SLC25A28: variants seen among roughly 807,000 people sequenced by gnomAD.
SLC25A28 encodes the protein mitoferrin-2.
In SLC25A28, 10 loss-of-function variants were observed where a neutral mutation model predicts 31.9. The ratio of observed to expected loss-of-function variants is 0.31; its 90% CI spans 0.19 to 0.53. The LOEUF (loss-of-function observed/expected upper bound fraction) is 0.53, where lower values mean the gene tolerates loss of function less well. Among genes scored for constraint, SLC25A28 ranks in the 20% least tolerant of loss-of-function variants. SLC25A28 has a pLI of 0.95. For missense variants in SLC25A28, 256 were observed against 490.3 expected, an observed-to-expected ratio of 0.52 and a Z score of 4.51; for synonymous variants, 208 against 203.6, an observed-to-expected ratio of 1.02 and a Z score of -0.19.
chr10:99,620,443 G>T (rs1371519388), upstream of SLC25A28: 5 of 1,046,052 alleles, frequency 4.8e-6, no homozygotes, highest in African/African-American at 6.8e-5. Flanking sequence ...AGAGCCCGGG[G>T]CCTCCGGCTC....
chr10:99,617,153 T>C (rs1201735156), intron 1 of SLC25A28: 4 of 985,442 alleles, frequency 4.1e-6, no homozygotes, highest in Non-Finnish European at 4.8e-6. Flanking sequence ...CCAGAGGATT[T>C]TGAGAAGGGT....
the SLC25A28 span, among the ~76,000 whole-genome samples, chr10:99,649,947 C>T: frequency 6.6e-6 from 1 of 151,966 alleles, no homozygotes; most frequent in South Asian, 2.1e-4. Flanking sequence ...TAGTTATGAT[C>T]TAATCGTCAT....
chr10:99,636,770 C>A, the SLC25A28 span, among the ~76,000 whole-genome samples: 1 of 152,168 alleles, frequency 6.6e-6, no homozygotes, highest in Admixed American at 6.5e-5. Context: ...AGATCAGTTA[C>A]AAGCAGTGAG....
the SLC25A28 span, among the ~76,000 whole-genome samples, chr10:99,642,444 T>C: frequency 6.6e-6 from 1 of 152,196 alleles, no homozygotes; most frequent in African/African-American, 2.4e-5. Flanking sequence ...CTGAAGTTGC[T>C]TATCAGCTTA....
At chr10:99,623,274 C>T (rs932754721), upstream of SLC25A28, among the ~76,000 whole-genome samples, 3 of 152,134 alleles carry the variant, frequency 2.0e-5, no homozygotes, top group Admixed American at 6.5e-5. Context: ...GAATACAACA[C>T]GAAGTTGGAA....
chr10:99,624,799 C>T (rs2034853581), upstream of SLC25A28, among the ~76,000 whole-genome samples: 2 of 152,126 alleles, frequency 1.3e-5, no homozygotes, highest in East Asian at 3.9e-4. Context: ...TGGGCCACTG[C>T]ACTCCAGTCT....
the SLC25A28 span, among the ~76,000 whole-genome samples, chr10:99,631,778 A>G: frequency 6.6e-6 from 1 of 152,042 alleles, no homozygotes; most frequent in Non-Finnish European, 1.5e-5. Flanking sequence ...GCCGCATAGA[A>G]TGCCCTCTGT....
rs1159402975 is a variant in SLC25A28, at chr10:99,620,111, G to A, written c.225C>T (p.His75=). The change falls in exon 1 of 4, where the codon CAC becomes CAT. Residue 75 remains histidine, a synonymous_variant. Coordinates refer to ENST00000370495, the MANE Select transcript of SLC25A28 (RefSeq NM_031212.4). ...TCCCTGCCACGGCGCCTGCCACCATGTGCGTGGTGACAGTGGCTCCAGCCG... is the reference window on the plus strand; with the variant it reads ...TCCCTGCCACGGCGCCTGCCACCATATGCGTGGTGACAGTGGCTCCAGCCG... ...ALPAGATVTT[H]MVAGAVAGIL... is the part of the protein sequence containing the mutation. 2 of 1,585,070 alleles carry A rather than the reference G, an allele frequency of 1.3e-6. No homozygotes were observed. Among genetic ancestry groups the A allele is most frequent in the Non-Finnish European group, 1.7e-6 (2 of 1,173,276 alleles).
At chr10:99,644,059 A>G in the SLC25A28 span, among the ~76,000 whole-genome samples, 1 of 152,146 alleles carries the variant, frequency 6.6e-6, no homozygotes, top group East Asian at 1.9e-4. Context: ...TGGAGTGGAG[A>G]GCTCTGTAGA....
the SLC25A28 span, among the ~76,000 whole-genome samples, chr10:99,635,125 T>C: frequency 6.6e-6 from 1 of 152,134 alleles, no homozygotes; most frequent in South Asian, 2.1e-4. Context: ...GAAGTCACCA[T>C]TACAAGAACT....
the SLC25A28 span, among the ~76,000 whole-genome samples, chr10:99,642,252 G>A: frequency 8.5e-5 from 13 of 152,212 alleles, no homozygotes; most frequent in African/African-American, 3.1e-4. Flanking sequence ...TTGAGCAGTG[G>A]TTTGTAGTTC....
the SLC25A28 span, among the ~76,000 whole-genome samples, chr10:99,648,634 T>C: frequency 6.6e-6 from 1 of 152,204 alleles, no homozygotes; most frequent in South Asian, 2.1e-4. Flanking sequence ...ATCAATGTTT[T>C]GTAGTTCTCC....
At chr10:99,657,472 C>T in the SLC25A28 span, among the ~76,000 whole-genome samples, 1 of 151,746 alleles carries the variant, frequency 6.6e-6, no homozygotes, top group South Asian at 2.1e-4. Flanking sequence ...AAATATAACA[C>T]TTGAAGCAGA....
chr10:99,646,226 C>A, the SLC25A28 span, among the ~76,000 whole-genome samples: 1 of 152,218 alleles, frequency 6.6e-6, no homozygotes, highest in African/African-American at 2.4e-5. Context: ...AGCTTCCCAG[C>A]CACTTTGTTT....
At chr10:99,642,205 A>G in the SLC25A28 span, among the ~76,000 whole-genome samples, 2 of 152,120 alleles carry the variant, frequency 1.3e-5, no homozygotes, top group Non-Finnish European at 2.9e-5. Flanking sequence ...ATGAGCATGG[A>G]ATGTTCTTCC....
intron 2 of SLC25A28, 145 bp from the exon 3 acceptor site, chr10:99,612,744 G>T: frequency 1.2e-6 from 1 of 839,072 alleles, no homozygotes; most frequent in Non-Finnish European, 2.0e-6. Flanking sequence ...GGGACCCACT[G>T]CTCCTAAACT....
In SLC25A28 at chr10:99,619,948, A is replaced by ATG. The variant is rs1013417686; in HGVS notation, c.291+95_291+96dup. On this transcript the variant is annotated intron_variant, in intron 1 of 3. Transcript: ENST00000370495. Reference sequence around the variant, plus strand: ...AGTGGCAGGAGCCAGGAAGGAACCCATGTCGGCTCCGGCTCTCAGCCGGGA... The same window carrying ATG: ...AGTGGCAGGAGCCAGGAAGGAACCCATGTGTCGGCTCCGGCTCTCAGCCGGGA... The ATG allele has an allele frequency of 4.3e-5, 56 of 1,295,618 alleles. No homozygotes were observed. In the African/African-American group the frequency reaches 6.4e-4, roughly 15 times the overall value. The allele number at this position is 1,295,618 out of a possible 1,614,324, so 80.3% of individuals were successfully genotyped here.
upstream of SLC25A28, among the ~76,000 whole-genome samples, chr10:99,624,450 A>G (rs373781223): frequency 3.3e-4 from 50 of 152,230 alleles, 1 homozygote; most frequent in African/African-American, 1.1e-3. Context: ...TAGACCTTGG[A>G]CCACACTTTG....
the SLC25A28 span, among the ~76,000 whole-genome samples, chr10:99,648,364 G>A: frequency 7.2e-5 from 11 of 152,284 alleles, no homozygotes; most frequent in South Asian, 6.2e-4. Flanking sequence ...TAGCCTTGTA[G>A]TATAATTCAA....
Sources: allele counts gnomAD v4.1 joint callset (sites outside exome capture counted in the v4.1 genomes callset), GRCh38; gene constraint gnomAD v4.1.1; transcripts MANE v1.5; gene names NCBI Gene and HGNC (gene_info 2026-07-23, HGNC 2026-07-21).